Variants in TUBE1 observed in about 807,000 individuals in gnomAD.
TUBE1 encodes the protein tubulin epsilon chain.
Under a neutral mutation model 53.5 loss-of-function variants are expected in TUBE1, and 34 were observed. The ratio of observed to expected loss-of-function variants is 0.64; its 90% CI spans 0.48 to 0.85. The LOEUF (loss-of-function observed/expected upper bound fraction) is 0.85, where lower values mean the gene tolerates loss of function less well. TUBE1 is among the 40% of genes least tolerant of loss of function. The pLI is 0.00. For missense variants in TUBE1, 532 were observed against 570.5 expected (o/e 0.93, Z 0.69); for synonymous variants, 177 against 198.4 (o/e 0.89, Z 0.91).
chr6:112,086,472 A>C, intron 3 of TUBE1, 84 bp downstream of exon 3: 1 of 1,000,526 alleles, frequency 1.0e-6, no homozygotes, highest in Non-Finnish European at 1.5e-6. Context: ...GCAGCTGGCT[A>C]TTTTTATTGT....
At chr6:112,074,547 CTAAA>C (rs1776921963) in intron 9 of TUBE1, among the ~76,000 whole-genome samples, 159 bp downstream of exon 9, 2 of 152,038 alleles carry the variant, frequency 1.3e-5, no homozygotes, top group Admixed American at 1.3e-4. Flanking sequence ...ACAATTACTT[CTAAA>C]TAAAGATGCA....
chr6:112,087,384 GT>G, intron 1 of TUBE1, 25 bp downstream of exon 1: 1 of 1,551,482 alleles, frequency 6.4e-7, no homozygotes, highest in Non-Finnish European at 8.7e-7. Flanking sequence ...CGGCGACCAG[GT>G]CTCTACCCGC....
In TUBE1 at chr6:112,081,092, C is replaced by T. The variant is rs1554316705; in HGVS notation, c.326G>A (p.Trp109Ter). Residue 109 changes from tryptophan (W) to a stop codon, truncating the protein, a stop_gained and splice_region_variant, in exon 5 of 12, where the codon TGG (tryptophan) becomes TAG (stop). Coordinates refer to ENST00000368662, the MANE Select transcript of TUBE1 (RefSeq NM_016262.5). LOFTEE classifies it high-confidence loss of function. The part of the protein sequence containing the change: ...ITDISGSGNN[W>*]AVGHKVFGSL... The stretch of plus-strand genomic sequence containing the variant: ...CAATTTTTACGCTGTGTATTCTCAC[C>T]AATTATTTCCTGAGCCAGAAATATC... 2 of 1,563,838 alleles carry T rather than the reference C, an allele frequency of 1.3e-6. No individual in the cohort carries two copies. The highest frequency in any genetic ancestry group is 3.4e-5 in the Admixed American group (2 of 58,296).
At position 112,072,215 on chromosome 6, in the gene TUBE1, T is replaced by C. The variant is rs587669016; in HGVS notation, c.1095-139A>G. ...CTTGCTTAGTTTAGACGCTAAGTTA[T>C]CTATTTTTTACTATTGGCAGTAACA... On this transcript the variant is annotated intron_variant, in intron 10 of 11. Transcript: ENST00000368662. The C allele has an allele frequency of 3.1e-5, 19 of 605,562 alleles. No individual in the cohort carries two copies. In the Admixed American group the frequency reaches 5.6e-4, roughly 18 times the overall value. The allele number at this position is 605,562 out of a possible 1,614,324, so 37.5% of individuals were successfully genotyped here. A position where few individuals can be genotyped will look rare whatever the true frequency, so the allele number is the denominator to read the frequency against.
chr6:112,081,067 C>A, intron 5 of TUBE1, 25 bp downstream of exon 5: 2 of 1,369,568 alleles, frequency 1.5e-6, no homozygotes, highest in Non-Finnish European at 1.0e-6. Flanking sequence ...AGAAGATATT[C>A]AATTTTTACG....
Position 112,076,580 on chromosome 6 carries a change from T to A in TUBE1, c.449-71A>T, listed in dbSNP as rs1776974862. 2.9e-6 allele frequency: 4 copies of A among 1,395,278 alleles called. No individual in the cohort carries two copies. The Admixed American group carries it at 9.9e-5, about 35-fold the overall frequency. 86.4% of individuals were successfully genotyped at this position (1,395,278 alleles called of 1,614,324 possible). ...TATAATTGTGAAGAATTTGAAACTT[T>A]ATTTTTTTTGAGACAGGGTCTTGCT... On this transcript the variant is annotated intron_variant, in intron 6 of 11. Transcript: ENST00000368662.
chr6:112,074,231 C>T (rs782139171), intron 9 of TUBE1, among the ~76,000 whole-genome samples: 16 of 152,112 alleles, frequency 1.1e-4, no homozygotes, highest in Admixed American at 2.0e-4. Context: ...CAATGACACA[C>T]AGTTATAAAG....
intron 5 of TUBE1, among the ~76,000 whole-genome samples, chr6:112,080,071 T>C (rs1777046369): frequency 6.6e-6 from 1 of 152,066 alleles, no homozygotes. Context: ...AGATTGCAGT[T>C]ACATAATTTT....
At chr6:112,087,013 C>T in intron 2 of TUBE1, 1 of 566,492 alleles carries the variant, frequency 1.8e-6, no homozygotes, top group Non-Finnish European at 3.1e-6. Context: ...AAGAGGAGAC[C>T]CTGAGAATCA....
rs894623940 is a variant in TUBE1, at chr6:112,087,470, C to A, written c.-36G>T. Reference sequence around the variant, plus strand: ...CGCCGGCTCCGGGAGCTTGCTAGCCCGCGGCCGCTTCTGCATTCCCCCAGC... The same window carrying A: ...CGCCGGCTCCGGGAGCTTGCTAGCCAGCGGCCGCTTCTGCATTCCCCCAGC... On this transcript the variant is annotated 5_prime_UTR_variant, in exon 1 of 12. Transcript: ENST00000368662. 2 of 1,547,976 alleles carry A rather than the reference C, an allele frequency of 1.3e-6. No homozygotes were observed. Among genetic ancestry groups the A allele is most frequent in the Non-Finnish European group, 1.7e-6 (2 of 1,145,454 alleles).
Position 112,072,786 on chromosome 6 carries a change from T to G in TUBE1, c.1066A>C (p.Ile356Leu). Residue 356 changes from isoleucine (I) to leucine (L), a missense_variant, in exon 10 of 12, where the codon ATT (isoleucine) becomes CTT (leucine). Transcript: ENST00000368662. ...TCAATATTTCTACGAAGATCTGAAATTTGTACATTTCCTCTAACCATGAGT... is the reference window on the plus strand; with the variant it reads ...TCAATATTTCTACGAAGATCTGAAAGTTGTACATTTCCTCTAACCATGAGT... The part of the protein sequence containing the change: ...CALMVRGNVQ[I>L]SDLRRNIERL... 6.2e-7 allele frequency: 1 copy of G among 1,613,296 alleles called. No individual in the cohort carries two copies. Among genetic ancestry groups the G allele is most frequent in the Non-Finnish European group, 8.5e-7 (1 of 1,179,480 alleles).
In TUBE1 at chr6:112,080,831, T is replaced by C. The variant is rs587676649; in HGVS notation, c.326+261A>G. On this transcript the variant is annotated intron_variant, in intron 5 of 11. Coordinates refer to ENST00000368662, the MANE Select transcript of TUBE1 (RefSeq NM_016262.5). ...TGAAAGTACTTAAAACATTTGTCAT[T>C]ATTTAATGTTCTTCAAGAATTTATG... Among the ~76,000 whole-genome samples the C allele has an allele frequency of 1.7e-3, 260 of 152,260 alleles. 3 individuals are homozygous for C. The highest frequency in any genetic ancestry group is 6.1e-3 in the African/African-American group (254 of 41,586).
At chr6:112,084,053 G>A (rs1777111948) in intron 4 of TUBE1, 136 bp downstream of exon 4, 1 of 688,958 alleles carries the variant, frequency 1.5e-6, no homozygotes, top group Admixed American at 2.8e-5. Context: ...TGTCTGCTTA[G>A]TTATATTTAT....
chr6:112,078,696 G>C (rs782695681), intron 6 of TUBE1: 5 of 151,970 alleles, frequency 3.3e-5, no homozygotes, highest in Non-Finnish European at 4.4e-5. Flanking sequence ...TTTTAAAAAG[G>C]TATAACGAAC....
intron 2 of TUBE1, chr6:112,086,847 A>G (rs1363939452): frequency 2.0e-6 from 1 of 508,938 alleles, no homozygotes; most frequent in African/African-American, 1.9e-5. Context: ...ATAGGACTGT[A>G]GGACAGGTCC....
intron 6 of TUBE1, chr6:112,076,850 G>A (rs1002390813): frequency 5.3e-5 from 9 of 170,122 alleles, no homozygotes; most frequent in South Asian, 2.0e-4. Context: ...TTACAGGCAT[G>A]AGCCACCACA....
chr6:112,071,821 T>C, intron 11 of TUBE1, 81 bp downstream of exon 11: 1 of 1,351,766 alleles, frequency 7.4e-7, no homozygotes, highest in Non-Finnish European at 1.0e-6. Context: ...TCACCCCTGA[T>C]TTGTAATAGT....
At chr6:112,081,690 TC>T (rs1554316772) in intron 4 of TUBE1, among the ~76,000 whole-genome samples, 1 of 151,342 alleles carries the variant, frequency 6.6e-6, no homozygotes, top group East Asian at 1.9e-4. Context: ...CATGGTCCCT[TC>T]CCCCAAGTAA....
In TUBE1 at chr6:112,083,608, G is replaced by A. The variant is rs139747177; in HGVS notation, c.210+581C>T. 4.1e-4 allele frequency among the ~76,000 whole-genome samples: 63 copies of A among 152,192 alleles called. 1 individual carries two copies. The East Asian group carries it at 0.011, about 28-fold the overall frequency. On this transcript the variant is annotated intron_variant, in intron 4 of 11. Coordinates refer to ENST00000368662, the MANE Select transcript of TUBE1 (RefSeq NM_016262.5). ...GCTGGGATTACAGGCGTGAGCCACC[G>A]CGCCCAGCACCTTCCATAACATTTA...
Sources: gnomAD v4.1 joint callset for allele counts (sites outside exome capture counted in the v4.1 genomes callset) on GRCh38, gnomAD v4.1.1 for gene constraint, MANE v1.5 for transcripts, NCBI Gene and HGNC (gene_info 2026-07-23, HGNC 2026-07-21) for gene names.